NELL1: variants seen among roughly 807,000 people sequenced by gnomAD.
NELL1 encodes the protein protein kinase C-binding protein NELL1.
Under a neutral mutation model 107.4 loss-of-function variants are expected in NELL1, and 76 were observed. That is an observed-to-expected ratio of 0.71 (90% confidence interval 0.59 to 0.86). NELL1 has a LOEUF of 0.86. NELL1 is among the 40% of genes least tolerant of loss of function. NELL1 has a pLI of 0.00. For synonymous variants in NELL1, 353 were observed against 341.2 expected, an observed-to-expected ratio of 1.03 and a Z score of -0.38; for missense variants, 1,024 against 1,005.5, an observed-to-expected ratio of 1.02 and a Z score of -0.25.
At chr11:21,070,476 G>T (rs149635285) in intron 12 of NELL1, among the ~76,000 whole-genome samples, 269 of 152,228 alleles carry the variant, frequency 1.8e-3, no homozygotes, top group African/African-American at 6.1e-3. Flanking sequence ...AGATGTTGGG[G>T]CTGATTCAAT....
At chr11:20,692,077 T>A (rs977973853) in intron 2 of NELL1, among the ~76,000 whole-genome samples, 7 of 151,662 alleles carry the variant, frequency 4.6e-5, no homozygotes, top group Admixed American at 2.0e-4. Context: ...TGCATAGAGG[T>A]GTTTGTAGTA....
At chr11:20,915,719 T>TATA (rs1332292027) in intron 5 of NELL1, among the ~76,000 whole-genome samples, 2 of 24,316 alleles carry the variant, frequency 8.2e-5, no homozygotes, top group African/African-American at 1.5e-4. Context: ...ATATATATAT[T>TATA]TTTTTTTTTT....
At chr11:20,944,745 A>G (rs1191507782) in intron 10 of NELL1, among the ~76,000 whole-genome samples, 5 of 152,214 alleles carry the variant, frequency 3.3e-5, no homozygotes, top group Admixed American at 2.6e-4. Flanking sequence ...CACTTATGCA[A>G]TGGTAATCAC....
At chr11:21,187,213 C>T (rs1473066416) in intron 13 of NELL1, among the ~76,000 whole-genome samples, 6 of 151,670 alleles carry the variant, frequency 4.0e-5, no homozygotes, top group Non-Finnish European at 8.8e-5. Context: ...TTGACAGAAG[C>T]GAGCCAGAAG....
intron 5 of NELL1, among the ~76,000 whole-genome samples, chr11:20,903,269 T>C (rs574870554): frequency 6.6e-6 from 1 of 152,042 alleles, no homozygotes; most frequent in Admixed American, 6.6e-5. Context: ...TCACATTCAA[T>C]GCAATGGTGT....
At chr11:20,974,436 G>A (rs1316565431) in intron 12 of NELL1, among the ~76,000 whole-genome samples, 1 of 151,546 alleles carries the variant, frequency 6.6e-6, no homozygotes, top group Non-Finnish European at 1.5e-5. Context: ...GGCCCTATAA[G>A]ACGATCCAGA....
chr11:21,469,286 TG>T (rs546513732), intron 15 of NELL1, among the ~76,000 whole-genome samples: 1 of 152,024 alleles, frequency 6.6e-6, no homozygotes, highest in Non-Finnish European at 1.5e-5. Flanking sequence ...GGGACTTTTT[TG>T]TTTTGTTTTG....
intron 12 of NELL1, among the ~76,000 whole-genome samples, chr11:21,058,643 A>C (rs888285120): frequency 6.6e-6 from 1 of 152,204 alleles, no homozygotes; most frequent in Admixed American, 6.5e-5. Flanking sequence ...TTCTAGATCT[A>C]ACATGAACTT....
At chr11:21,573,680 C>T (rs1293621561) in intron 19 of NELL1, among the ~76,000 whole-genome samples, 1 of 150,446 alleles carries the variant, frequency 6.6e-6, no homozygotes, top group East Asian at 2.0e-4. Context: ...TTAATTATGA[C>T]TAACTTAGGC....
chr11:21,530,755 A>G (rs1319672896), intron 15 of NELL1, among the ~76,000 whole-genome samples: 1 of 152,054 alleles, frequency 6.6e-6, no homozygotes, highest in Non-Finnish European at 1.5e-5. Context: ...TAAATATTAA[A>G]TTTACTTTTT....
intron 12 of NELL1, among the ~76,000 whole-genome samples, chr11:20,973,733 A>T (rs1851548897): frequency 6.6e-6 from 1 of 152,176 alleles, no homozygotes; most frequent in South Asian, 2.1e-4. Flanking sequence ...TCCTTTTAGG[A>T]TTGAAAGGAT....
At chr11:21,203,849 T>C (rs1857327977) in intron 13 of NELL1, among the ~76,000 whole-genome samples, 1 of 152,204 alleles carries the variant, frequency 6.6e-6, no homozygotes, top group African/African-American at 2.4e-5. Context: ...TAAAGTATTT[T>C]ATTTCTCCTT....
chr11:21,187,703 C>T (rs1856964315), intron 13 of NELL1, among the ~76,000 whole-genome samples: 1 of 151,712 alleles, frequency 6.6e-6, no homozygotes, highest in Non-Finnish European at 1.5e-5. Context: ...TGTGTCTGCC[C>T]TTACAGGGTC....
Position 20,783,744 on chromosome 11 carries a change from C to G in NELL1, c.249C>G (p.Asn83Lys), listed in dbSNP as rs576614526. ...VSEKLIQLFRNKSEFTILATV... is the reference protein window; with the variant it reads ...VSEKLIQLFRKKSEFTILATV... ...AGAAATTAATTCAGCTGTTCCGGAA[C>G]AAGAGTGAATTCACCATTTTGGCCA... The change falls in exon 3 of 20, where the codon AAC (asparagine) becomes AAG (lysine). Residue 83 changes from asparagine to lysine, a missense_variant. Physicochemically the swap from Asn to Lys is moderately conservative, Grantham distance 94. Coordinates refer to ENST00000357134, the MANE Select transcript of NELL1 (RefSeq NM_006157.5). The G allele has an allele frequency of 8.1e-6, 13 of 1,613,962 alleles. No homozygotes were observed. The highest frequency in any genetic ancestry group is 6.6e-5 in the South Asian group (6 of 91,068).
chr11:21,197,488 TAGAC>T lies in NELL1; in HGVS notation c.1427-31841_1427-31838del, dbSNP rs763476634. Among the ~76,000 whole-genome samples, 35 of 152,054 alleles carry T rather than the reference TAGAC, an allele frequency of 2.3e-4. No individual in the cohort carries two copies. The East Asian group carries it at 2.7e-3, about 12-fold the overall frequency. The stretch of plus-strand genomic sequence containing the variant: ...ACTTCCTCTGTTGTTAATAGGCTGT[TAGAC>T]AGCCTCAGCCAGAGGAACTGGATGT... On this transcript the variant is annotated intron_variant, in intron 13 of 19. Coordinates refer to ENST00000357134, the MANE Select transcript of NELL1 (RefSeq NM_006157.5).
intron 14 of NELL1, among the ~76,000 whole-genome samples, chr11:21,327,119 C>G (rs1417671656): frequency 7.1e-6 from 1 of 141,036 alleles, no homozygotes; most frequent in Non-Finnish European, 1.5e-5. Context: ...AGGCAGTTAC[C>G]CTTATGCTGT....
chr11:20,786,818 C>A (rs1317143974), intron 3 of NELL1, among the ~76,000 whole-genome samples: 1 of 151,760 alleles, frequency 6.6e-6, no homozygotes, highest in South Asian at 2.1e-4. Flanking sequence ...ACCATCCTGG[C>A]TAACACGGTG....
In NELL1 at chr11:20,970,025, C is replaced by T. The variant is rs116118026; in HGVS notation, c.1300+9465C>T. 6.5e-3 allele frequency among the ~76,000 whole-genome samples: 860 copies of T among 131,810 alleles called. 12 individuals carry two copies. Among genetic ancestry groups the T allele is most frequent in the African/African-American group, 0.023 (814 of 35,118 alleles). 86.5% of individuals were successfully genotyped at this position (131,810 alleles called of 152,430 possible). A position where few individuals can be genotyped will look rare whatever the true frequency, so the allele number is the denominator to read the frequency against. On this transcript the variant is annotated intron_variant, in intron 12 of 19. Transcript: ENST00000357134. ...AACACAGGTCTTTAGATCTTCATGG[C>T]GTATATAAATATCTAATCTATCTCT...
At chr11:21,530,301 T>A (rs1001066117) in intron 15 of NELL1, among the ~76,000 whole-genome samples, 1 of 152,126 alleles carries the variant, frequency 6.6e-6, no homozygotes, top group African/African-American at 2.4e-5. Context: ...AGAAAACCTT[T>A]ATTGGTTTTA....
Sources: gnomAD v4.1 joint callset for allele counts (sites outside exome capture counted in the v4.1 genomes callset) on GRCh38, gnomAD v4.1.1 for gene constraint, MANE v1.5 for transcripts, NCBI Gene and HGNC (gene_info 2026-07-23, HGNC 2026-07-21) for gene names.